The following KIAA1328 variants were observed in gnomAD, a reference collection of about 807,000 sequenced individuals.
KIAA1328 encodes the protein KIAA1328.
KIAA1328 carries 52 observed loss-of-function variants against 68.1 expected under a neutral mutation model. The ratio of observed to expected loss-of-function variants is 0.76; its 90% CI spans 0.61 to 0.96. The LOEUF (loss-of-function observed/expected upper bound fraction) is 0.96. Among genes scored for constraint, KIAA1328 ranks in the 40% least tolerant of loss-of-function variants. KIAA1328 has a pLI of 0.00. For synonymous variants in KIAA1328, 232 were observed against 239.4 expected (o/e 0.97, Z 0.28); for missense variants, 641 against 677.6 (o/e 0.95, Z 0.60).
At chr18:36,888,159 A>G (rs543906395) in intron 5 of KIAA1328, among the ~76,000 whole-genome samples, 19 of 152,260 alleles carry the variant, frequency 1.2e-4, no homozygotes, top group Admixed American at 9.8e-4. Flanking sequence ...TGTTTTCCTC[A>G]TGATTTAACT....
chr18:37,034,126 G>A (rs1224372437), intron 6 of KIAA1328, among the ~76,000 whole-genome samples: 2 of 152,060 alleles, frequency 1.3e-5, no homozygotes, highest in African/African-American at 4.8e-5. Flanking sequence ...TTTAGTGTTA[G>A]TCTTAGGAAA....
intron 6 of KIAA1328, among the ~76,000 whole-genome samples, chr18:36,975,214 G>T (rs545982498): frequency 1.6e-5 from 2 of 127,242 alleles, no homozygotes; most frequent in Admixed American, 2.0e-4. Context: ...ACGGAGTCTC[G>T]CTCTGTCGCC....
At chr18:36,885,723 C>CTTTT in intron 5 of KIAA1328, 51 bp downstream of exon 5, 1 of 986,544 alleles carries the variant, frequency 1.0e-6, no homozygotes, top group Non-Finnish European at 1.4e-6. Context: ...TTGACTATTT[C>CTTTT]TTTTTTTTTT....
At chr18:36,890,276 A>G (rs767659591) in intron 5 of KIAA1328, among the ~76,000 whole-genome samples, 4 of 149,702 alleles carry the variant, frequency 2.7e-5, no homozygotes, top group Admixed American at 6.7e-5. Context: ...TGCATGTGGT[A>G]TGAAACTTAA....
chr18:36,834,279 G>T (rs144901051), intron 1 of KIAA1328, 41 bp from the exon 2 acceptor site: 51 of 1,497,762 alleles, frequency 3.4e-5, no homozygotes, highest in Admixed American at 4.2e-5. Context: ...TTTGGATGCC[G>T]GATAATATTA....
At chr18:37,216,862 T>C (rs1170175413) in intron 9 of KIAA1328, among the ~76,000 whole-genome samples, 1 of 151,904 alleles carries the variant, frequency 6.6e-6, no homozygotes, top group Admixed American at 6.6e-5. Flanking sequence ...CCTGTTGAAT[T>C]GATCCCTTTA....
At chr18:37,090,863 C>T (rs2057246981) in intron 7 of KIAA1328, among the ~76,000 whole-genome samples, 1 of 152,098 alleles carries the variant, frequency 6.6e-6, no homozygotes, top group Non-Finnish European at 1.5e-5. Flanking sequence ...CAATCTTTCT[C>T]AGTTAAGTAT....
At chr18:36,880,996 A>G (rs982399350) in intron 4 of KIAA1328, among the ~76,000 whole-genome samples, 2 of 152,152 alleles carry the variant, frequency 1.3e-5, no homozygotes, top group Non-Finnish European at 2.9e-5. Flanking sequence ...TTTTTCAGCT[A>G]TACTTATCAG....
chr18:37,174,209 C>G (rs547747193), intron 9 of KIAA1328, among the ~76,000 whole-genome samples: 5 of 152,190 alleles, frequency 3.3e-5, no homozygotes, highest in African/African-American at 1.2e-4. Flanking sequence ...GAAGAACAGT[C>G]TAAGATCACA....
At chr18:36,946,695 G>A (rs1365880277) in intron 5 of KIAA1328, among the ~76,000 whole-genome samples, 1 of 152,066 alleles carries the variant, frequency 6.6e-6, no homozygotes, top group African/African-American at 2.4e-5. Flanking sequence ...CTTTTAATAA[G>A]AATTAAATAT....
intron 1 of KIAA1328, among the ~76,000 whole-genome samples, chr18:36,831,497 C>T (rs2046491113): frequency 6.6e-6 from 1 of 152,128 alleles, no homozygotes. Flanking sequence ...CATTACAGTT[C>T]CTAGTAATGT....
chr18:36,917,592 G>T (rs563151087), intron 5 of KIAA1328, among the ~76,000 whole-genome samples: 1 of 152,124 alleles, frequency 6.6e-6, no homozygotes, highest in Admixed American at 6.6e-5. Flanking sequence ...CTGAAATTGG[G>T]CAGTAGCTGA....
intron 4 of KIAA1328, among the ~76,000 whole-genome samples, chr18:36,883,378 G>A (rs1428183039): frequency 6.6e-6 from 1 of 152,132 alleles, no homozygotes; most frequent in Non-Finnish European, 1.5e-5. Flanking sequence ...ACCTCCACAA[G>A]GGAAAAAAGA....
intron 5 of KIAA1328, among the ~76,000 whole-genome samples, chr18:36,935,909 A>G (rs2050481783): frequency 1.3e-5 from 2 of 152,144 alleles, no homozygotes; most frequent in Non-Finnish European, 2.9e-5. Context: ...GTAAAACTCT[A>G]TTATAATTAG....
intron 6 of KIAA1328, among the ~76,000 whole-genome samples, chr18:37,049,500 C>T: frequency 6.6e-6 from 1 of 152,080 alleles, no homozygotes; most frequent in East Asian, 1.9e-4. Context: ...TTTTAAAAGT[C>T]AGGATTTGTC....
intron 5 of KIAA1328, among the ~76,000 whole-genome samples, chr18:36,907,781 C>T (rs903571386): frequency 6.6e-6 from 1 of 152,062 alleles, no homozygotes; most frequent in Non-Finnish European, 1.5e-5. Flanking sequence ...TGAAGCATTT[C>T]CCCCTCTTCA....
At chr18:36,956,598 T>G (rs1257964223) in intron 5 of KIAA1328, among the ~76,000 whole-genome samples, 1 of 151,756 alleles carries the variant, frequency 6.6e-6, no homozygotes, top group Non-Finnish European at 1.5e-5. Flanking sequence ...TAAAAATTGA[T>G]AAAGGTAGGA....
chr18:36,885,580 C>T lies in KIAA1328; in HGVS notation c.356C>T (p.Thr119Ile), dbSNP rs1568122587. The T allele has an allele frequency of 6.4e-7, 1 of 1,563,308 alleles. No individual in the cohort carries two copies. Among genetic ancestry groups the T allele is most frequent in the Non-Finnish European group, 8.6e-7 (1 of 1,159,044 alleles). The change falls in exon 5 of 10, where the codon ACA becomes ATA. Residue 119 changes from threonine to isoleucine, a missense_variant. By Grantham distance (89) the Thr-to-Ile change is moderately conservative. Coordinates refer to ENST00000280020, the MANE Select transcript of KIAA1328 (RefSeq NM_020776.3). The part of the protein sequence containing the change: ...LARVSEEKEV[T>I]EERLKAEQES... ...AGAGTAAGTGAGGAAAAGGAAGTGA[C>T]AGAGGAAAGACTGAAAGCTGAGCAG...
intron 8 of KIAA1328, among the ~76,000 whole-genome samples, chr18:37,166,955 G>A (rs968855032): frequency 1.3e-5 from 2 of 152,138 alleles, no homozygotes; most frequent in Non-Finnish European, 2.9e-5. Context: ...ACAAGCCCAG[G>A]ACCAGATGGC....
Sources: allele counts gnomAD v4.1 joint callset (sites outside exome capture counted in the v4.1 genomes callset), GRCh38; gene constraint gnomAD v4.1.1; transcripts MANE v1.5; gene names NCBI Gene and HGNC (gene_info 2026-07-23, HGNC 2026-07-21).